SVIL: variants seen among roughly 807,000 people sequenced by gnomAD.
SVIL encodes archvillin.
A neutral mutation model predicts 240.4 loss-of-function variants in SVIL; 101 were observed. The observed-to-expected ratio is 0.42, with a 90% CI of 0.36 to 0.50. The LOEUF (loss-of-function observed/expected upper bound fraction) is 0.50. Among genes scored for constraint, SVIL ranks in the 20% least tolerant of loss-of-function variants. SVIL has a pLI of 0.01. For synonymous variants in SVIL, 999 were observed against 1,100.0 expected (o/e 0.91, Z 1.82); for missense variants, 2,512 against 2,818.7 (o/e 0.89, Z 2.46).
intron 2 of SVIL, among the ~76,000 whole-genome samples, chr10:29,667,993 G>T (rs1959460029): frequency 6.6e-6 from 1 of 152,166 alleles, no homozygotes; most frequent in Non-Finnish European, 1.5e-5. Context: ...TAGGGCTATT[G>T]TCATCTTCTA....
intron 1 of SVIL, among the ~76,000 whole-genome samples, chr10:29,718,282 C>T (rs190828993): frequency 1.0e-3 from 152 of 151,324 alleles, no homozygotes; most frequent in East Asian, 3.7e-3. Context: ...GCCGAGATCG[C>T]GCCACTGCAC....
At position 29,473,726 on chromosome 10, in the gene SVIL, C is replaced by T. The variant is rs530434846; in HGVS notation, c.5529+112G>A. The T allele has an allele frequency of 1.8e-4, 263 of 1,425,222 alleles. 3 individuals are homozygous for T. The South Asian group carries it at 2.6e-3, about 14-fold the overall frequency. The allele number at this position is 1,425,222 out of a possible 1,614,324, so 88.3% of individuals were successfully genotyped here. A position where few individuals can be genotyped will look rare whatever the true frequency, so the allele number is the denominator to read the frequency against. On this transcript the variant is annotated intron_variant, in intron 30 of 37. Transcript: ENST00000355867. The stretch of plus-strand genomic sequence containing the variant: ...ACCAGGACTGAAGTGCTTTGGGTGA[C>T]GTGGTCTTCCATTATCAGAATCATG...
At chr10:29,615,043 T>C (rs1957382321) in intron 1 of SVIL, among the ~76,000 whole-genome samples, 1 of 152,080 alleles carries the variant, frequency 6.6e-6, no homozygotes, top group Admixed American at 6.5e-5. Flanking sequence ...CCCATGCTAA[T>C]ACAAATCATA....
At position 29,719,541 on chromosome 10, in the gene SVIL, T is replaced by C. The variant is rs116087154; in HGVS notation, c.-400+16210A>G. Among the ~76,000 whole-genome samples, 336 of 152,258 alleles carry C rather than the reference T, an allele frequency of 2.2e-3. 1 individual carries two copies. The highest frequency in any genetic ancestry group is 7.3e-3 in the African/African-American group (304 of 41,554). ...AACCCACAACGAGGAGCAATGTCAA[T>C]CAACTGAAACTGACCAAGAGTTAAG... On this transcript the variant is annotated intron_variant, in intron 1 of 35. Coordinates refer to the SVIL transcript ENST00000375400.
intron 18 of SVIL, 90 bp downstream of exon 18, chr10:29,499,026 C>A: frequency 6.7e-7 from 1 of 1,484,164 alleles, no homozygotes; most frequent in South Asian, 1.3e-5. Flanking sequence ...TTAAATTGAG[C>A]TATCACGTAC....
At chr10:29,733,588 A>G (rs1964740809) in intron 1 of SVIL, among the ~76,000 whole-genome samples, 1 of 152,226 alleles carries the variant, frequency 6.6e-6, no homozygotes, top group South Asian at 2.1e-4. Context: ...TACATGTGTG[A>G]GGCACGGCAC....
chr10:29,683,791 C>T (rs1294972633), intron 2 of SVIL, among the ~76,000 whole-genome samples: 3 of 152,156 alleles, frequency 2.0e-5, no homozygotes, highest in African/African-American at 7.2e-5. Flanking sequence ...CAGGCCCTCA[C>T]TCTCCATGCA....
Position 29,484,545 on chromosome 10 carries a change from T to G in SVIL, c.4955+111A>C. ...TCACAGTCCACTGCATATAATCGTT[T>G]ATGAAAACTGAACCCTATAAAGAGC... On this transcript the variant is annotated intron_variant, in intron 27 of 37. Transcript: ENST00000355867. This position sits in a 1 kb window ranked among gnomAD's most constrained non-coding sequence, Gnocchi z 4.7. 4.4e-6 allele frequency: 4 copies of G among 905,532 alleles called. No homozygotes were observed. The highest frequency in any genetic ancestry group is 6.3e-6 in the Non-Finnish European group (4 of 629,998). The allele number at this position is 905,532 out of a possible 1,614,324, so 56.1% of individuals were successfully genotyped here.
chr10:29,602,078 T>C (rs1956831412), intron 1 of SVIL, among the ~76,000 whole-genome samples: 1 of 152,166 alleles, frequency 6.6e-6, no homozygotes, highest in Non-Finnish European at 1.5e-5. Context: ...TTTCAAAACA[T>C]GGGGCCCTGG....
At chr10:29,608,242 T>C (rs1260538954) in intron 1 of SVIL, among the ~76,000 whole-genome samples, 2 of 152,134 alleles carry the variant, frequency 1.3e-5, no homozygotes. Context: ...GGAAGTGGGG[T>C]TGGCAATTAC....
intron 2 of SVIL, among the ~76,000 whole-genome samples, chr10:29,669,257 G>GGA (rs750367988): frequency 6.3e-4 from 96 of 152,098 alleles, no homozygotes; most frequent in Non-Finnish European, 1.2e-3. Context: ...TTTTGCTGGA[G>GGA]GAAAGAACAA....
At chr10:29,570,546 C>T (rs1321206424) in intron 1 of SVIL, among the ~76,000 whole-genome samples, 1 of 152,178 alleles carries the variant, frequency 6.6e-6, no homozygotes, top group Non-Finnish European at 1.5e-5. Context: ...ACTGAAAAGA[C>T]AGTATCTTGT....
At chr10:29,534,990 G>C (rs1161189951) in intron 7 of SVIL, among the ~76,000 whole-genome samples, 1 of 152,142 alleles carries the variant, frequency 6.6e-6, no homozygotes, top group Non-Finnish European at 1.5e-5. Flanking sequence ...TTTCTTGCGG[G>C]GAGAGGAATT....
At chr10:29,694,532 T>C (rs1961776262) in intron 1 of SVIL, among the ~76,000 whole-genome samples, 1 of 152,134 alleles carries the variant, frequency 6.6e-6, no homozygotes, top group Admixed American at 6.5e-5. Context: ...TGATCTCGGC[T>C]CACTGCAACC....
At chr10:29,504,991 T>G (rs1006854156) in intron 17 of SVIL, among the ~76,000 whole-genome samples, 22 of 152,188 alleles carry the variant, frequency 1.4e-4, no homozygotes, top group African/African-American at 5.3e-4. Context: ...CACGTTCAGA[T>G]AATGAAATAT....
Position 29,547,708 on chromosome 10 carries a change from C to T in SVIL, c.827+2889G>A, listed in dbSNP as rs1952820052. ...AACAAAGTCTTAATTACTATTATAA[C>T]TGATTTAAAATCTATTTGAGAATCT... On this transcript the variant is annotated intron_variant, in intron 6 of 37. Coordinates refer to ENST00000355867, the MANE Select transcript of SVIL (RefSeq NM_021738.3). 2.0e-5 allele frequency among the ~76,000 whole-genome samples: 3 copies of T among 152,150 alleles called. No individual in the cohort carries two copies. The South Asian group carries it at 6.2e-4, about 31-fold the overall frequency.
intron 20 of SVIL, among the ~76,000 whole-genome samples, chr10:29,494,047 C>T (rs910271484): frequency 3.3e-5 from 5 of 151,962 alleles, no homozygotes; most frequent in Admixed American, 6.6e-5. Flanking sequence ...GGTGCACGCC[C>T]ATAGTCCCGC....
At chr10:29,490,802 A>G (rs1564506532) in intron 22 of SVIL, 45 bp downstream of exon 22, 2 of 1,607,214 alleles carry the variant, frequency 1.2e-6, no homozygotes, top group Non-Finnish European at 1.7e-6. Context: ...CATCGGAAGA[A>G]GCCATTCCCA....
chr10:29,717,158 G>A lies in SVIL; in HGVS notation c.-400+18593C>T, dbSNP rs1008074123. On this transcript the variant is annotated intron_variant, in intron 1 of 35. Coordinates refer to the SVIL transcript ENST00000375400. ...TGAGGCAGGAGAATGGCGTGAACCCGGGAGGCGGAGCTTGCAGTGAGCCGA... is the reference window on the plus strand; with the variant it reads ...TGAGGCAGGAGAATGGCGTGAACCCAGGAGGCGGAGCTTGCAGTGAGCCGA... 4.7e-5 allele frequency among the ~76,000 whole-genome samples: 7 copies of A among 147,668 alleles called. No individual in the cohort carries two copies. In the South Asian group the frequency reaches 6.5e-4, roughly 14 times the overall value.
Sources: allele counts gnomAD v4.1 joint callset (sites outside exome capture counted in the v4.1 genomes callset), GRCh38; gene constraint gnomAD v4.1.1; non-coding constraint Gnocchi (gnomAD v3.1); transcripts MANE v1.5; gene names NCBI Gene and HGNC (gene_info 2026-07-23, HGNC 2026-07-21).